KDM4C: variants seen among roughly 807,000 people sequenced by gnomAD.
The protein encoded by KDM4C is lysine demethylase 4C.
A neutral mutation model predicts 129.3 loss-of-function variants in KDM4C; 81 were observed. The observed-to-expected ratio is 0.63, with a 90% CI of 0.52 to 0.75. The LOEUF (loss-of-function observed/expected upper bound fraction) is 0.75. Among genes scored for constraint, KDM4C ranks in the 30% least tolerant of loss-of-function variants. The probability of loss-of-function intolerance (pLI) is 0.00; values close to 1 mark genes in which losing one functional copy is unlikely to be tolerated. For missense variants in KDM4C, 1,457 were observed against 1,304.0 expected (o/e 1.12, Z -1.81); for synonymous variants, 573 against 456.1 (o/e 1.26, Z -3.26).
intron 19 of KDM4C, among the ~76,000 whole-genome samples, chr9:7,164,854 A>T (rs548897524): frequency 6.6e-6 from 1 of 152,354 alleles, no homozygotes; most frequent in African/African-American, 2.4e-5. Flanking sequence ...CATGAGATGT[A>T]TGCTGAAGCA....
chr9:6,838,298 C>T (rs1402530134), intron 4 of KDM4C, among the ~76,000 whole-genome samples: 1 of 152,106 alleles, frequency 6.6e-6, no homozygotes, highest in African/African-American at 2.4e-5. Context: ...TCATTATTTG[C>T]GCTATCTCTC....
At chr9:6,726,431 G>A (rs115074388) in intron 1 of KDM4C, 73 of 152,388 alleles carry the variant, frequency 4.8e-4, no homozygotes, top group African/African-American at 1.8e-3. Flanking sequence ...CTGTCCTTCT[G>A]GCCAGCTAAG....
intron 1 of KDM4C, among the ~76,000 whole-genome samples, chr9:6,721,376 C>G (rs1288816249): frequency 6.7e-6 from 1 of 148,198 alleles, no homozygotes; most frequent in Non-Finnish European, 1.5e-5. Flanking sequence ...CTTCACCTCT[C>G]AGGTTCAAGC....
intron 1 of KDM4C, among the ~76,000 whole-genome samples, chr9:6,763,736 T>G (rs1323065250): frequency 6.6e-6 from 1 of 152,194 alleles, no homozygotes; most frequent in Non-Finnish European, 1.5e-5. Flanking sequence ...AATCAGTTAT[T>G]GCCCTTTTCA....
chr9:7,160,895 A>T (rs1296399605), intron 19 of KDM4C, among the ~76,000 whole-genome samples: 1 of 152,094 alleles, frequency 6.6e-6, no homozygotes, highest in East Asian at 1.9e-4. Flanking sequence ...AAGTCTGCAG[A>T]AGTTGTCTGC....
At chr9:6,904,920 A>G (rs1474929567) in intron 8 of KDM4C, among the ~76,000 whole-genome samples, 1 of 152,204 alleles carries the variant, frequency 6.6e-6, no homozygotes, top group Non-Finnish European at 1.5e-5. Context: ...CTTGGTTTCT[A>G]AGTACGAGCC....
intron 8 of KDM4C, among the ~76,000 whole-genome samples, chr9:6,909,367 T>TA (rs1400857765): frequency 7.9e-5 from 12 of 152,206 alleles, no homozygotes; most frequent in Admixed American, 7.9e-4. Context: ...CTCTCAAGTG[T>TA]AACACCTTTC....
intron 17 of KDM4C, among the ~76,000 whole-genome samples, chr9:7,084,266 G>T (rs1834867932): frequency 1.3e-5 from 2 of 152,132 alleles, no homozygotes; most frequent in African/African-American, 4.8e-5. Flanking sequence ...TTGTGAGAAT[G>T]GCATAGTTCA....
chr9:7,049,078 C>T lies in KDM4C; in HGVS notation c.2316-14C>T, dbSNP rs1399394450. ...GGGAACTTTTGTTTATGTTTAATGT[C>T]TCCTTTCCTGTAGGTGGGCCCATGT... is the stretch of plus-strand genomic sequence containing the variant. On this transcript the variant is annotated splice_polypyrimidine_tract_variant and intron_variant, in intron 16 of 21. Transcript: ENST00000381309. 1.3e-5 allele frequency: 20 copies of T among 1,583,892 alleles called. No individual in the cohort carries two copies. Among genetic ancestry groups the T allele is most frequent in the Non-Finnish European group, 1.5e-5 (17 of 1,154,218 alleles).
chr9:7,138,293 C>G (rs1384747176), intron 19 of KDM4C, among the ~76,000 whole-genome samples: 2 of 152,180 alleles, frequency 1.3e-5, no homozygotes, highest in African/African-American at 2.4e-5. Context: ...CAATTTCCCT[C>G]TATCATCTAA....
intron 1 of KDM4C, among the ~76,000 whole-genome samples, chr9:6,738,801 G>A (rs1817603380): frequency 6.6e-6 from 1 of 150,910 alleles, no homozygotes; most frequent in Non-Finnish European, 1.5e-5. Flanking sequence ...GTTTCACCGT[G>A]ATGGCCAGGC....
chr9:7,059,303 G>A (rs1303907896), intron 17 of KDM4C, among the ~76,000 whole-genome samples: 1 of 152,126 alleles, frequency 6.6e-6, no homozygotes, highest in Non-Finnish European at 1.5e-5. Context: ...AGGTCTGATT[G>A]TGTTGCCCAG....
rs752244908 is a variant in KDM4C, at chr9:7,165,242, G to C, written c.2786G>C (p.Arg929Pro). The change falls in exon 20 of 22, where the codon CGA becomes CCA. Residue 929 changes from arginine (R) to proline (P), a missense_variant. Physicochemically the swap from Arg to Pro is moderately radical, Grantham distance 103. Coordinates refer to ENST00000381309, the MANE Select transcript of KDM4C (RefSeq NM_015061.6). ...CTGTCTCTGTTTATTCTGCAGAGCC[G>C]AGACTGTCTGAAGCTGGGCCCACCT... ...RDTFPEDIVS[R>P]DCLKLGPPAE... 6.2e-7 allele frequency: 1 copy of C among 1,614,086 alleles called. No homozygotes were observed. The highest frequency in any genetic ancestry group is 2.2e-5 in the East Asian group (1 of 44,878).
chr9:6,876,721 A>G (rs1373955109), intron 5 of KDM4C, among the ~76,000 whole-genome samples: 1 of 152,158 alleles, frequency 6.6e-6, no homozygotes, highest in Non-Finnish European at 1.5e-5. Flanking sequence ...GTTCAAATGC[A>G]ATGTGACTGA....
intron 17 of KDM4C, among the ~76,000 whole-genome samples, chr9:7,079,804 A>G (rs1470970079): frequency 1.3e-5 from 2 of 152,220 alleles, no homozygotes; most frequent in Non-Finnish European, 2.9e-5. Flanking sequence ...AGTACAATGC[A>G]CTGATATCTC....
At chr9:6,976,852 A>G (rs955997926) in intron 8 of KDM4C, among the ~76,000 whole-genome samples, 1 of 151,818 alleles carries the variant, frequency 6.6e-6, no homozygotes, top group Non-Finnish European at 1.5e-5. Flanking sequence ...TTTATCGGTA[A>G]ATACATTTTT....
intron 5 of KDM4C, among the ~76,000 whole-genome samples, chr9:6,858,834 C>T (rs1840402491): frequency 6.7e-6 from 1 of 149,976 alleles, no homozygotes; most frequent in Admixed American, 6.6e-5. Context: ...CCAGCTTTAT[C>T]ATTTTTTTGG....
rs1315230265 is a variant in KDM4C at position 6,854,031 on chromosome 9, A to AT, written c.629+4340dup. ...TATTATTTTAATAACCATGAAAATA[A>AT]TTTTTTTTTAGTCATAGTAGTTACT... is the stretch of plus-strand genomic sequence containing the variant. On this transcript the variant is annotated intron_variant, in intron 5 of 21. Transcript: ENST00000381309. Among the ~76,000 whole-genome samples, 4 of 151,626 alleles carry AT rather than the reference A, an allele frequency of 2.6e-5. No individual in the cohort carries two copies. In the East Asian group the frequency reaches 5.8e-4, roughly 22 times the overall value.
At chr9:7,035,229 G>T (rs1827426115) in intron 15 of KDM4C, among the ~76,000 whole-genome samples, 1 of 150,140 alleles carries the variant, frequency 6.7e-6, no homozygotes, top group Non-Finnish European at 1.5e-5. Context: ...GCCCAGGCTG[G>T]TCTTGAACTC....
Sources: allele counts gnomAD v4.1 joint callset (sites outside exome capture counted in the v4.1 genomes callset), GRCh38; gene constraint gnomAD v4.1.1; transcripts MANE v1.5; gene names NCBI Gene and HGNC (gene_info 2026-07-23, HGNC 2026-07-21).